Variants in ANKRD6 observed in about 807,000 individuals in gnomAD.
The protein encoded by ANKRD6 is ankyrin repeat domain 6, also known as ankyrin repeat domain-containing protein 6.
ANKRD6 carries 56 observed loss-of-function variants against 82.3 expected under a neutral mutation model. The observed-to-expected ratio is 0.68, with a 90% CI of 0.55 to 0.85. The LOEUF is 0.85. Ranked by LOEUF, ANKRD6 falls within the 40% of genes least tolerant of loss-of-function variation. The pLI, the probability that ANKRD6 is intolerant of heterozygous loss-of-function variation, is 0.00. For missense variants in ANKRD6, 852 were observed against 907.6 expected (o/e 0.94, Z 0.79); for synonymous variants, 347 against 352.1 (o/e 0.99, Z 0.16).
chr6:89,609,869 C>T (rs1432589325), intron 5 of ANKRD6, among the ~76,000 whole-genome samples: 1 of 152,126 alleles, frequency 6.6e-6, no homozygotes, highest in Non-Finnish European at 1.5e-5. Context: ...CTCGGCCTCC[C>T]AAGGTGATGG....
chr6:89,625,273 ACT>A (rs904367515), intron 13 of ANKRD6, among the ~76,000 whole-genome samples: 1 of 150,740 alleles, frequency 6.6e-6, no homozygotes, highest in South Asian at 2.1e-4. Context: ...ACAGAGCAAG[ACT>A]CTGTCTAGAA....
At chr6:89,523,241 T>C (rs900574579) in intron 1 of ANKRD6, among the ~76,000 whole-genome samples, 8 of 152,216 alleles carry the variant, frequency 5.3e-5, no homozygotes, top group African/African-American at 1.9e-4. Context: ...TTTTTTGTTC[T>C]GAAGGCTGTT....
chr6:89,533,915 A>G (rs1340119107), intron 1 of ANKRD6, among the ~76,000 whole-genome samples: 1 of 152,192 alleles, frequency 6.6e-6, no homozygotes, highest in Non-Finnish European at 1.5e-5. Context: ...ACCTGGTCCA[A>G]TAAAAAGATG....
At chr6:89,609,674 C>T (rs554761815) in intron 5 of ANKRD6, among the ~76,000 whole-genome samples, 3 of 152,126 alleles carry the variant, frequency 2.0e-5, no homozygotes, top group African/African-American at 2.4e-5. Context: ...GGCTGGAGCG[C>T]GATCTCGGCT....
chr6:89,537,322 T>A (rs79080656), intron 1 of ANKRD6, among the ~76,000 whole-genome samples: 3,330 of 152,276 alleles, frequency 0.022, 57 homozygotes, highest in Middle Eastern at 0.048. Context: ...GACATACTTG[T>A]GAAGGTATTA....
rs1465325793 is a variant in ANKRD6 at position 89,433,765 on chromosome 6, C to G, written c.-144+390C>G. On this transcript the variant is annotated intron_variant, in intron 1 of 15. Transcript: ENST00000339746. This position sits in a 1 kb window ranked among gnomAD's most constrained non-coding sequence, Gnocchi z 4.3. ...TCTGCGGCGCGTAGGAGGGTAGGTC[C>G]CTGGCCTGCGGCCGCCTCCGAATGA... Among the ~76,000 whole-genome samples, 6 of 152,316 alleles carry G rather than the reference C, an allele frequency of 3.9e-5. No homozygotes were observed. Among genetic ancestry groups the G allele is most frequent in the Non-Finnish European group, 8.8e-5 (6 of 68,020 alleles).
chr6:89,556,276 C>T (rs1390067872), intron 1 of ANKRD6, among the ~76,000 whole-genome samples: 1 of 152,244 alleles, frequency 6.6e-6, no homozygotes, highest in Admixed American at 6.5e-5. Flanking sequence ...CTCATTGGCT[C>T]ATTGCCCTCT....
intron 1 of ANKRD6, among the ~76,000 whole-genome samples, chr6:89,453,458 A>G (rs1462393763): frequency 6.6e-6 from 1 of 152,162 alleles, no homozygotes; most frequent in Admixed American, 6.5e-5. Flanking sequence ...TTCTCATCAT[A>G]TAACTTATGA....
chr6:89,580,207 A>G (rs1048732715), intron 2 of ANKRD6, among the ~76,000 whole-genome samples: 6 of 143,406 alleles, frequency 4.2e-5, no homozygotes, highest in African/African-American at 1.5e-4. Flanking sequence ...GAGAAACTTG[A>G]TTTTTTTTTT....
At chr6:89,521,819 T>C (rs1031166937) in intron 1 of ANKRD6, among the ~76,000 whole-genome samples, 3 of 152,156 alleles carry the variant, frequency 2.0e-5, no homozygotes, top group African/African-American at 7.2e-5. Context: ...AGTTCAAATA[T>C]AAGTCTCCAA....
intron 13 of ANKRD6, 106 bp downstream of exon 13, chr6:89,624,797 T>C: frequency 7.6e-7 from 1 of 1,308,580 alleles, no homozygotes; most frequent in Admixed American, 2.8e-5. Context: ...GAGTGTCCAG[T>C]GGGCTGTCAG....
intron 1 of ANKRD6, among the ~76,000 whole-genome samples, chr6:89,476,328 G>A (rs1457058106): frequency 6.6e-6 from 1 of 152,054 alleles, no homozygotes; most frequent in Non-Finnish European, 1.5e-5. Flanking sequence ...TGGGATTATA[G>A]GCGTGCACCA....
intron 1 of ANKRD6, among the ~76,000 whole-genome samples, chr6:89,503,128 T>C (rs1044523063): frequency 1.3e-5 from 2 of 152,172 alleles, no homozygotes; most frequent in Non-Finnish European, 2.9e-5. Context: ...AGGTTAGTAA[T>C]TGGAAAAAAC....
At position 89,632,719 on chromosome 6, in the gene ANKRD6, T is replaced by C. The variant is rs1351917935; in HGVS notation, c.*1715T>C. 1.3e-5 allele frequency: 2 copies of C among 152,216 alleles called. No individual in the cohort carries two copies. Among genetic ancestry groups the C allele is most frequent in the Non-Finnish European group, 2.9e-5 (2 of 68,046 alleles). The allele number at this position is 152,216 out of a possible 1,614,324, so 9.4% of individuals were successfully genotyped here. ...TAGACAGTCTTCCCCCAGAGACTCA[T>C]TAGATTGCAATATAGAGGCACTTTC... On this transcript the variant is annotated 3_prime_UTR_variant, in exon 16 of 16. Coordinates refer to ENST00000339746, the MANE Select transcript of ANKRD6 (RefSeq NM_001242809.2).
chr6:89,580,314 G>C (rs967390231), intron 2 of ANKRD6, among the ~76,000 whole-genome samples: 1 of 151,754 alleles, frequency 6.6e-6, no homozygotes, highest in African/African-American at 2.4e-5. Flanking sequence ...GTTCCCGTGG[G>C]GCTTTTGCAT....
chr6:89,516,807 C>T (rs1431952112), intron 1 of ANKRD6, among the ~76,000 whole-genome samples: 1 of 152,136 alleles, frequency 6.6e-6, no homozygotes, highest in African/African-American at 2.4e-5. Context: ...CCATATCTAT[C>T]TGTATATCTC....
intron 1 of ANKRD6, among the ~76,000 whole-genome samples, chr6:89,554,259 C>A (rs1356894888): frequency 6.6e-6 from 1 of 152,142 alleles, no homozygotes; most frequent in African/African-American, 2.4e-5. Context: ...GGAGACTGTT[C>A]CCTTGTATCC....
intron 1 of ANKRD6, among the ~76,000 whole-genome samples, chr6:89,494,942 TAAG>T (rs1391968517): frequency 6.6e-6 from 1 of 152,148 alleles, no homozygotes; most frequent in Non-Finnish European, 1.5e-5. Flanking sequence ...TGGTGACAGA[TAAG>T]AAGCCAAGGC....
rs560141048 is a variant in ANKRD6, at chr6:89,472,789, C to T, written c.-144+39414C>T. ...CCATTCAGAGACGGTTCTGCCGGTG[C>T]CCTGGTTACCTTGGCTCATACGTGG... On this transcript the variant is annotated intron_variant, in intron 1 of 15. Transcript: ENST00000339746. Among the ~76,000 whole-genome samples, 3 of 152,240 alleles carry T rather than the reference C, an allele frequency of 2.0e-5. No homozygotes were observed. The Middle Eastern group carries it at 0.01, about 518-fold the overall frequency.
Sources: gnomAD v4.1 joint callset for allele counts (sites outside exome capture counted in the v4.1 genomes callset) on GRCh38, gnomAD v4.1.1 for gene constraint, Gnocchi (gnomAD v3.1) non-coding constraint, MANE v1.5 for transcripts, NCBI Gene and HGNC (gene_info 2026-07-23, HGNC 2026-07-21) for gene names.